The following SGPP2 variants were observed in gnomAD, a reference collection of about 807,000 sequenced individuals.
SGPP2 encodes sphingosine-1-phosphate phosphatase 2.
A neutral mutation model predicts 33.9 loss-of-function variants in SGPP2; 30 were observed. The observed-to-expected ratio is 0.89, with a 90% CI of 0.66 to 1.20. The LOEUF is 1.20. SGPP2 is among the 50% of genes most tolerant of loss of function. The pLI is 0.00. For missense variants in SGPP2, 458 were observed against 532.1 expected (o/e 0.86, Z 1.37); for synonymous variants, 233 against 225.0 (o/e 1.04, Z -0.32).
Position 222,465,020 on chromosome 2 carries a change from CT to C in SGPP2, c.220-9547del, listed in dbSNP as rs1279503766. ...AAAACAGTTCAAATTGTGTAAAAGACTACAACTGAAATTCCACTGTAAAATG... is the reference window on the plus strand; with the variant it reads ...AAAACAGTTCAAATTGTGTAAAAGACACAACTGAAATTCCACTGTAAAATG... On this transcript the variant is annotated intron_variant, in intron 1 of 4. Transcript: ENST00000321276. The surrounding 1 kb of genome is among the most constrained non-coding windows in gnomAD (Gnocchi z 4.1). Among the ~76,000 whole-genome samples, 1 of 152,196 alleles carries C rather than the reference CT, an allele frequency of 6.6e-6. No homozygotes were observed.
chr2:222,523,971 A>C (rs1698721478), intron 3 of SGPP2, among the ~76,000 whole-genome samples: 1 of 152,102 alleles, frequency 6.6e-6, no homozygotes, highest in Admixed American at 6.5e-5. Flanking sequence ...CTGGGCTTGG[A>C]CTCAGAAGGC....
intron 1 of SGPP2, among the ~76,000 whole-genome samples, chr2:222,456,694 G>A (rs1697579060): frequency 6.6e-6 from 1 of 152,210 alleles, no homozygotes. Context: ...GGTAGAATAG[G>A]ATCTGAGTGG....
At chr2:222,508,951 TAA>T (rs1698485175) in intron 2 of SGPP2, among the ~76,000 whole-genome samples, 1 of 152,094 alleles carries the variant, frequency 6.6e-6, no homozygotes, top group Non-Finnish European at 1.5e-5. Context: ...GCTCTGAATT[TAA>T]AAAATAAAAA....
chr2:222,447,076 T>C (rs1000955302), intron 1 of SGPP2, among the ~76,000 whole-genome samples: 1 of 152,230 alleles, frequency 6.6e-6, no homozygotes, highest in African/African-American at 2.4e-5. Context: ...AAGCTGCCTC[T>C]TTCTTTATGC....
chr2:222,474,606 C>T lies in SGPP2; in HGVS notation c.258C>T (p.Tyr86=), dbSNP rs1697900611. The change falls in exon 2 of 5, where the codon TAC becomes TAT. Residue 86 remains tyrosine (Y), a synonymous_variant. Transcript: ENST00000321276. The part of the protein sequence containing the change: ...VQKYVVKNYF[Y]YYLFQFSAAL... ...AGTACGTCGTGAAGAATTATTTCTACTATTACCTATTCCAATTTTCAGCTG... is the reference window on the plus strand; with the variant it reads ...AGTACGTCGTGAAGAATTATTTCTATTATTACCTATTCCAATTTTCAGCTG... 3 of 1,614,006 alleles carry T rather than the reference C, an allele frequency of 1.9e-6. No homozygotes were observed. The highest frequency in any genetic ancestry group is 2.5e-6 in the Non-Finnish European group (3 of 1,179,958).
In SGPP2 at chr2:222,490,207, C is replaced by T. The variant is rs551749228; in HGVS notation, c.378+15481C>T. Among the ~76,000 whole-genome samples the T allele has an allele frequency of 5.3e-5, 8 of 152,038 alleles. No homozygotes were observed. In the South Asian group the frequency reaches 1.7e-3, roughly 32 times the overall value. The stretch of plus-strand genomic sequence containing the variant: ...CACCTAGAACCTTTTTAGTATGTCA[C>T]CTTTAAGATTAAAATATAAAGAGTC... On this transcript the variant is annotated intron_variant, in intron 2 of 4. Transcript: ENST00000321276.
chr2:222,487,409 T>C (rs1290573159), intron 2 of SGPP2, among the ~76,000 whole-genome samples: 6 of 152,210 alleles, frequency 3.9e-5, no homozygotes, highest in African/African-American at 1.2e-4. Flanking sequence ...TCTCTGGGCC[T>C]CAGTTCAACC....
intron 1 of SGPP2, among the ~76,000 whole-genome samples, chr2:222,427,558 G>T (rs1390645555): frequency 1.3e-5 from 2 of 151,990 alleles, no homozygotes; most frequent in African/African-American, 4.8e-5. Context: ...AATTATAGAC[G>T]TCAGTCACTG....
intron 2 of SGPP2, among the ~76,000 whole-genome samples, chr2:222,510,184 A>G (rs1313868707): frequency 6.6e-6 from 1 of 152,238 alleles, no homozygotes; most frequent in Non-Finnish European, 1.5e-5. Context: ...TGCTAACAAC[A>G]TTTACATACA....
chr2:222,526,621 G>C (rs1197234886), intron 4 of SGPP2, among the ~76,000 whole-genome samples: 1 of 152,172 alleles, frequency 6.6e-6, no homozygotes, highest in African/African-American at 2.4e-5. Flanking sequence ...AATAAAATAT[G>C]ATCTTGGTAA....
chr2:222,472,300 GTA>G, intron 1 of SGPP2, among the ~76,000 whole-genome samples: 1 of 152,150 alleles, frequency 6.6e-6, no homozygotes, highest in African/African-American at 2.4e-5. Context: ...GAGGCAGGTT[GTA>G]TTGCAGTTGA....
At position 222,460,433 on chromosome 2, in the gene SGPP2, G is replaced by A. The variant is rs1430736673; in HGVS notation, c.220-14135G>A. ...CCCTGAGAACACGACATAAGCGGTT[G>A]AGCTTCATGGCAATATGTCTGTGAC... is the stretch of plus-strand genomic sequence containing the variant. On this transcript the variant is annotated intron_variant, in intron 1 of 4. Transcript: ENST00000321276. This position sits in a 1 kb window ranked among gnomAD's most constrained non-coding sequence, Gnocchi z 4.3. Among the ~76,000 whole-genome samples the A allele has an allele frequency of 6.6e-6, 1 of 152,154 alleles. No homozygotes were observed. Among genetic ancestry groups the A allele is most frequent in the Admixed American group, 6.5e-5 (1 of 15,272 alleles).
At chr2:222,488,441 T>G (rs1420072962) in intron 2 of SGPP2, among the ~76,000 whole-genome samples, 1 of 152,234 alleles carries the variant, frequency 6.6e-6, no homozygotes, top group Non-Finnish European at 1.5e-5. Flanking sequence ...GCACTCCTTA[T>G]GAGACTCTAG....
intron 1 of SGPP2, among the ~76,000 whole-genome samples, chr2:222,472,939 G>A (rs1014139602): frequency 6.6e-5 from 10 of 152,090 alleles, no homozygotes; most frequent in African/African-American, 1.9e-4. Context: ...GCTTGAACCT[G>A]GGAGGCAGAG....
At chr2:222,458,103 T>C (rs1697599614) in intron 1 of SGPP2, among the ~76,000 whole-genome samples, 2 of 152,164 alleles carry the variant, frequency 1.3e-5, no homozygotes, top group Non-Finnish European at 2.9e-5. Context: ...CAGCCCGAAG[T>C]GCAGTGGAGA....
intron 2 of SGPP2, among the ~76,000 whole-genome samples, chr2:222,498,782 C>T (rs1445603522): frequency 5.9e-5 from 9 of 151,966 alleles, no homozygotes; most frequent in South Asian, 2.1e-4. Flanking sequence ...AGAGGCATGC[C>T]GTGTTAAGTG....
rs185810977 is a variant in SGPP2 at position 222,558,868 on chromosome 2, G to C, written c.1170G>C (p.Pro390=). 3.7e-6 allele frequency: 6 copies of C among 1,609,790 alleles called. No individual in the cohort carries two copies. The highest frequency in any genetic ancestry group is 2.2e-5 in the South Asian group (2 of 91,034). Residue 390 remains proline, a synonymous_variant, in exon 5 of 5, where the codon CCG becomes CCC. Transcript: ENST00000321276. The part of the protein sequence containing the change: ...SVGICATTFV[P]MLHRFLGLP The stretch of plus-strand genomic sequence containing the variant: ...GCATCTGCGCTACAACCTTTGTGCC[G>C]ATGCTTCACAGGTTTCTGGGATTAC...
chr2:222,554,002 G>C (rs1012315087), intron 4 of SGPP2, among the ~76,000 whole-genome samples: 1 of 152,190 alleles, frequency 6.6e-6, no homozygotes, highest in African/African-American at 2.4e-5. Context: ...AACCTGTGTA[G>C]AGGACACAGT....
At chr2:222,448,181 A>G (rs1053751964) in intron 1 of SGPP2, among the ~76,000 whole-genome samples, 1 of 152,180 alleles carries the variant, frequency 6.6e-6, no homozygotes, top group Non-Finnish European at 1.5e-5. Context: ...GGAGTCTCTC[A>G]TGGGACTCGG....
Sources: gnomAD v4.1 joint callset for allele counts (sites outside exome capture counted in the v4.1 genomes callset) on GRCh38, gnomAD v4.1.1 for gene constraint, Gnocchi (gnomAD v3.1) non-coding constraint, MANE v1.5 for transcripts, NCBI Gene and HGNC (gene_info 2026-07-23, HGNC 2026-07-21) for gene names.